The following TNNT2 variants were observed in gnomAD, a reference collection of about 807,000 sequenced individuals.
TNNT2 encodes the protein troponin T, cardiac muscle.
A neutral mutation model predicts 62.4 loss-of-function variants in TNNT2; 34 were observed. The observed-to-expected ratio is 0.54, with a 90% CI of 0.41 to 0.72. The LOEUF (loss-of-function observed/expected upper bound fraction) is 0.72. Among genes scored for constraint, TNNT2 ranks in the 30% least tolerant of loss-of-function variants. The pLI, the probability that TNNT2 is intolerant of heterozygous loss-of-function variation, is 0.00. For missense variants in TNNT2, 275 were observed against 381.9 expected (o/e 0.72, Z 2.33); for synonymous variants, 123 against 127.2 (o/e 0.97, Z 0.22).
chr1:201,360,988 C>T, intron 15 of TNNT2: 1 of 467,108 alleles, frequency 2.1e-6, no homozygotes, highest in South Asian at 2.0e-5. Flanking sequence ...GTAACCAGCT[C>T]AGATCACTGA....
chr1:201,367,326 C>G (rs543004840), intron 7 of TNNT2: 1 of 383,648 alleles, frequency 2.6e-6, no homozygotes, highest in Non-Finnish European at 4.9e-6. Context: ...GTTGTCCCCT[C>G]CCCTTTGGAG....
rs775895925 is a variant in TNNT2 at position 201,368,231 on chromosome 1, G to A, written c.98-4C>T. 2 of 1,614,020 alleles carry A rather than the reference G, an allele frequency of 1.2e-6. No individual in the cohort carries two copies. Among genetic ancestry groups the A allele is most frequent in the South Asian group, 2.2e-5 (2 of 91,056 alleles). On this transcript the variant is annotated splice_polypyrimidine_tract_variant and splice_region_variant and intron_variant, in intron 5 of 16. Coordinates refer to ENST00000656932, the MANE Select transcript of TNNT2 (RefSeq NM_001276345.2). ...TCTTCCGCTGCCTCCTCCTGCTCTG[G>A]AGAAGTGAAGCAGACAGAGTGAAGA...
At position 201,368,242 on chromosome 1, in the gene TNNT2, C is replaced by A. The variant is rs1660036746; in HGVS notation, c.98-15G>T. The A allele has an allele frequency of 6.2e-7, 1 of 1,613,764 alleles. No individual in the cohort carries two copies. The highest frequency in any genetic ancestry group is 1.1e-5 in the South Asian group (1 of 91,068). On this transcript the variant is annotated splice_polypyrimidine_tract_variant and intron_variant, in intron 5 of 16. Transcript: ENST00000656932. ...CTCCTCCTGCTCTGGAGAAGTGAAG[C>A]AGACAGAGTGAAGAAGCAGGCCCCA...
intron 14 of TNNT2, 76 bp downstream of exon 14, chr1:201,361,837 C>G: frequency 7.3e-7 from 1 of 1,370,776 alleles, no homozygotes; most frequent in Non-Finnish European, 1.0e-6. Flanking sequence ...TGGCTCACAG[C>G]AAGAAGTGCC....
At chr1:201,363,987 A>C in intron 11 of TNNT2, 1 of 405,226 alleles carries the variant, frequency 2.5e-6, no homozygotes, top group Non-Finnish European at 4.6e-6. Flanking sequence ...CCTGGGTTCA[A>C]GCGATTCTCC....
At chr1:201,362,632 G>A (rs1452954497) in intron 12 of TNNT2, among the ~76,000 whole-genome samples, 1 of 152,164 alleles carries the variant, frequency 6.6e-6, no homozygotes, top group Non-Finnish European at 1.5e-5. Context: ...TGGGGGCAGA[G>A]GCAGGGGGTG....
intron 6 of TNNT2, 142 bp downstream of exon 6, chr1:201,368,020 A>G: frequency 9.8e-7 from 1 of 1,019,036 alleles, no homozygotes; most frequent in East Asian, 2.4e-5. Context: ...TTGATTGGGC[A>G]ATCAATGGTT....
intron 4 of TNNT2, among the ~76,000 whole-genome samples, chr1:201,370,081 C>G (rs777138208): frequency 6.6e-5 from 10 of 152,222 alleles, no homozygotes; most frequent in Non-Finnish European, 1.2e-4. Flanking sequence ...CTACTCACTT[C>G]TCAGCCGTGG....
At chr1:201,366,412 C>A in intron 8 of TNNT2, 1 of 1,083,478 alleles carries the variant, frequency 9.2e-7, no homozygotes, top group Non-Finnish European at 1.1e-6. Flanking sequence ...TGTGTGGCAC[C>A]AAGCCGTCCT....
At chr1:201,375,797 T>C (rs1661316249) in intron 1 of TNNT2, among the ~76,000 whole-genome samples, 1 of 152,206 alleles carries the variant, frequency 6.6e-6, no homozygotes. Flanking sequence ...CTTCTAGCTT[T>C]CTCTCTCCTC....
At chr1:201,364,516 A>C (rs1293742645) in intron 10 of TNNT2, 141 bp from the exon 11 acceptor site, 1 of 867,934 alleles carries the variant, frequency 1.2e-6, no homozygotes, top group Non-Finnish European at 1.9e-6. Context: ...CCCGGCCTCC[A>C]AGGGCCTCCA....
intron 4 of TNNT2, among the ~76,000 whole-genome samples, chr1:201,371,203 G>T (rs1001308898): frequency 1.3e-5 from 2 of 152,210 alleles, no homozygotes; most frequent in African/African-American, 4.8e-5. Context: ...AAAAGGCAGG[G>T]TCCACCTGCC....
At chr1:201,364,853 G>T (rs530815443) in intron 10 of TNNT2, among the ~76,000 whole-genome samples, 15 of 152,328 alleles carry the variant, frequency 9.8e-5, no homozygotes, top group African/African-American at 3.4e-4. Context: ...ATCTGCGGGG[G>T]AAGAGGAGGC....
chr1:201,364,620 G>C (rs1659330540), intron 10 of TNNT2, among the ~76,000 whole-genome samples: 1 of 152,228 alleles, frequency 6.6e-6, no homozygotes, highest in African/African-American at 2.4e-5. Context: ...ACAACTGGGA[G>C]ACATCAGGCA....
chr1:201,366,490 A>G (rs1033377060), intron 8 of TNNT2: 17 of 1,181,516 alleles, frequency 1.4e-5, no homozygotes, highest in Middle Eastern at 7.4e-4. Context: ...GCTCCCCACA[A>G]TTTGCTTCCC....
intron 1 of TNNT2, chr1:201,374,924 G>T (rs563559205): frequency 6.6e-6 from 1 of 152,364 alleles, no homozygotes; most frequent in East Asian, 1.9e-4. Flanking sequence ...TGAGGCGGGA[G>T]AAGAATCCAA....
chr1:201,372,754 C>A (rs1660836590), intron 2 of TNNT2, among the ~76,000 whole-genome samples: 2 of 152,234 alleles, frequency 1.3e-5, no homozygotes, highest in Admixed American at 1.3e-4. Flanking sequence ...GTGTCCCACC[C>A]CCTGGTTTCC....
chr1:201,376,437 C>G (rs1412598172), intron 1 of TNNT2, among the ~76,000 whole-genome samples: 1 of 152,142 alleles, frequency 6.6e-6, no homozygotes, highest in African/African-American at 2.4e-5. Context: ...AGTCCTTGTC[C>G]CCAGCACTCG....
chr1:201,364,162 G>A, intron 11 of TNNT2, 136 bp downstream of exon 11: 1 of 951,756 alleles, frequency 1.1e-6, no homozygotes, highest in Admixed American at 2.1e-5. Context: ...GGGATTACAG[G>A]CGTGAGCCAC....
Sources: allele counts gnomAD v4.1 joint callset (sites outside exome capture counted in the v4.1 genomes callset), GRCh38; gene constraint gnomAD v4.1.1; transcripts MANE v1.5; gene names NCBI Gene and HGNC (gene_info 2026-07-23, HGNC 2026-07-21).